Variants in MAN2A2 observed in about 807,000 individuals in gnomAD.
The protein encoded by MAN2A2 is alpha-mannosidase 2x.
Under a neutral mutation model 126.8 loss-of-function variants are expected in MAN2A2, and 79 were observed. That is an observed-to-expected ratio of 0.62 (90% CI 0.52 to 0.75). The LOEUF (loss-of-function observed/expected upper bound fraction) is 0.75. MAN2A2 is among the 30% of genes least tolerant of loss of function. The pLI is 0.00. For synonymous variants in MAN2A2, 671 were observed against 618.7 expected, an observed-to-expected ratio of 1.08 and a Z score of -1.25; for missense variants, 1,392 against 1,522.4, an observed-to-expected ratio of 0.91 and a Z score of 1.43.
intron 14 of MAN2A2, 113 bp downstream of exon 14, chr15:90,911,663 T>C (rs552322813): frequency 1.9e-5 from 23 of 1,197,424 alleles, no homozygotes; most frequent in African/African-American, 6.1e-5. Flanking sequence ...CTCTCCAGGC[T>C]GAGGACAAGT....
intron 3 of MAN2A2, 22 bp downstream of exon 3, chr15:90,905,530 G>A: frequency 1.2e-6 from 2 of 1,614,140 alleles, no homozygotes; most frequent in Non-Finnish European, 1.7e-6. Flanking sequence ...AGCTGGCAGG[G>A]ACGTACAGTG....
rs144474978 is a variant in MAN2A2 at position 90,912,177 on chromosome 15, C to T, written c.2244C>T (p.His748=). 9.2e-5 allele frequency: 149 copies of T among 1,614,092 alleles called. No homozygotes were observed. Among genetic ancestry groups the T allele is most frequent in the Non-Finnish European group, 1.1e-4 (128 of 1,180,000 alleles). The change falls in exon 15 of 23, where the codon CAC becomes CAT. Residue 748 remains histidine (H), a synonymous_variant. Coordinates refer to ENST00000559717, the MANE Select transcript of MAN2A2 (RefSeq NM_006122.4). Reference sequence around the variant, plus strand: ...GCCGGCAGCTGTCCGTCAGCAGGCACGAAGCGTTTCCTCTCCGTGTCATTG... The same window carrying T: ...GCCGGCAGCTGTCCGTCAGCAGGCATGAAGCGTTTCCTCTCCGTGTCATTG... The part of the protein sequence containing the change: ...LHGRQLSVSR[H]EAFPLRVIDS...
Position 90,904,301 on chromosome 15 carries a change from G to T in MAN2A2, c.94G>T (p.Asp32Tyr). The T allele has an allele frequency of 6.2e-7, 1 of 1,614,094 alleles. No homozygotes were observed. Among genetic ancestry groups the T allele is most frequent in the South Asian group, 1.1e-5 (1 of 91,076 alleles). ...LYLMLDRVQH[D>Y]PTRHQNGGNF... ...CCTCATGCTGGACCGAGTGCAACACGATCCCACCCGACACCAGAATGGTGG... is the reference window on the plus strand; with the variant it reads ...CCTCATGCTGGACCGAGTGCAACACTATCCCACCCGACACCAGAATGGTGG... The change falls in exon 2 of 23, where the codon GAT (aspartate) becomes TAT (tyrosine). Residue 32 changes from aspartate to tyrosine, a missense_variant. Physicochemically the swap from Asp to Tyr is radical, Grantham distance 160 (BLOSUM62 -3). Coordinates refer to ENST00000559717, the MANE Select transcript of MAN2A2 (RefSeq NM_006122.4).
rs775466940 is a variant in MAN2A2 at position 90,919,670 on chromosome 15, G to A, written c.3336G>A (p.Val1112=). The change falls in exon 23 of 23, where the codon GTG becomes GTA. Residue 1112 remains valine (V), a synonymous_variant. Transcript: ENST00000559717. The part of the protein sequence containing the change: ...ALGSLFHGLD[V]VFLQPTSLTL... ...GCAGCCTTTTCCATGGCCTGGATGTGGTATTCCTTCAGCCAACCTCCTTGA... is the reference window on the plus strand; with the variant it reads ...GCAGCCTTTTCCATGGCCTGGATGTAGTATTCCTTCAGCCAACCTCCTTGA... 1 of 1,614,210 alleles carries A rather than the reference G, an allele frequency of 6.2e-7. No individual in the cohort carries two copies. Among genetic ancestry groups the A allele is most frequent in the Admixed American group, 1.7e-5 (1 of 60,024 alleles).
chr15:90,912,779 T>C lies in MAN2A2; in HGVS notation c.2470-98T>C, dbSNP rs866187145. On this transcript the variant is annotated intron_variant, in intron 16 of 22. Coordinates refer to ENST00000559717, the MANE Select transcript of MAN2A2 (RefSeq NM_006122.4). The stretch of plus-strand genomic sequence containing the variant: ...TTGTCTTTCCTGTTCAGCCCAGGGG[T>C]GTCTGGGAATAGGTGCTCTCTTGCC... The C allele has an allele frequency of 2.1e-5, 33 of 1,557,296 alleles. No homozygotes were observed. The Middle Eastern group carries it at 5.1e-4, about 24-fold the overall frequency.
At chr15:90,913,064 C>T in intron 17 of MAN2A2, 73 bp downstream of exon 17, 1 of 1,297,234 alleles carries the variant, frequency 7.7e-7, no homozygotes, top group Non-Finnish European at 1.1e-6. Context: ...CTTCCTTCTG[C>T]TGCTTCTCTG....
chr15:90,910,757 G>A lies in MAN2A2; in HGVS notation c.1760+74G>A, dbSNP rs113287481. 1,342 of 1,602,132 alleles carry A rather than the reference G, an allele frequency of 8.4e-4. 8 individuals carry two copies. In the African/African-American group the frequency reaches 0.016, roughly 19 times the overall value. ...AAGAAAGGACATTGGGTGGTCAGGG[G>A]GTAGGCCGGCCTAGGGCTTGTCCTG... On this transcript the variant is annotated intron_variant, in intron 11 of 22. Transcript: ENST00000559717.
In MAN2A2 at chr15:90,905,532, C is replaced by T. The variant is rs374924445; in HGVS notation, c.390+24C>T. On this transcript the variant is annotated intron_variant, in intron 3 of 22. Coordinates refer to ENST00000559717, the MANE Select transcript of MAN2A2 (RefSeq NM_006122.4). ...AGGTAAGAGTCAGAGCTGGCAGGGA[C>T]GTACAGTGGCCACGACTGGGGTACT... 102 of 1,614,076 alleles carry T rather than the reference C, an allele frequency of 6.3e-5. 1 individual carries two copies. The highest frequency in any genetic ancestry group is 2.1e-4 in the South Asian group (19 of 91,082).
chr15:90,908,765 A>G (rs1221316465), intron 8 of MAN2A2, among the ~76,000 whole-genome samples: 1 of 151,988 alleles, frequency 6.6e-6, no homozygotes, highest in African/African-American at 2.4e-5. Context: ...TAGTAGAGAC[A>G]GGGTTTCACC....
intron 20 of MAN2A2, 50 bp from the exon 21 acceptor site, chr15:90,918,144 C>A: frequency 6.5e-7 from 1 of 1,550,350 alleles, no homozygotes; most frequent in Non-Finnish European, 8.8e-7. Flanking sequence ...TCGTCCTCTC[C>A]CCTCAGCCTG....
intron 7 of MAN2A2, 75 bp downstream of exon 7, chr15:90,906,988 G>C: frequency 6.5e-7 from 1 of 1,542,702 alleles, no homozygotes; most frequent in South Asian, 1.1e-5. Context: ...TCAGAACTAA[G>C]ACCCCCACTG....
intron 22 of MAN2A2, among the ~76,000 whole-genome samples, chr15:90,919,126 A>G (rs1811461280): frequency 6.6e-6 from 1 of 152,224 alleles, no homozygotes; most frequent in South Asian, 2.1e-4. Context: ...GAACCAAGAC[A>G]TGGTCACTGT....
chr15:90,906,331 G>A (rs747155800), intron 5 of MAN2A2, 39 bp from the exon 6 acceptor site: 5 of 1,612,762 alleles, frequency 3.1e-6, no homozygotes, highest in Middle Eastern at 1.6e-4. Context: ...ACTGGGCAGA[G>A]TGTCCTGCTC....
intron 19 of MAN2A2, among the ~76,000 whole-genome samples, chr15:90,915,010 G>A (rs1338517421): frequency 3.9e-5 from 6 of 152,222 alleles, no homozygotes; most frequent in Non-Finnish European, 7.3e-5. Context: ...GCTGAGCCGA[G>A]AGCACCCAGT....
At chr15:90,909,838 C>G (rs916587232) in intron 9 of MAN2A2, among the ~76,000 whole-genome samples, 1 of 152,158 alleles carries the variant, frequency 6.6e-6, no homozygotes, top group East Asian at 1.9e-4. Context: ...CTCCTGACTT[C>G]GTGATCCACT....
intron 2 of MAN2A2, 98 bp downstream of exon 2, chr15:90,904,437 G>A (rs1436346151): frequency 7.2e-7 from 1 of 1,379,538 alleles, no homozygotes; most frequent in Admixed American, 2.1e-5. Context: ...CCCCCCGCTG[G>A]AGGGTAATGT....
At chr15:90,902,745 C>G (rs889367917), upstream of MAN2A2, 20 of 145,994 alleles carry the variant, frequency 1.4e-4, no homozygotes, top group African/African-American at 4.7e-4. Context: ...CTGCTGGGCC[C>G]GGCAGCTTCA....
rs984348978 is a variant in MAN2A2 at position 90,921,987 on chromosome 15, C to T, written c.*2200C>T. 1 of 151,986 alleles carries T rather than the reference C, an allele frequency of 6.6e-6. No homozygotes were observed. Among genetic ancestry groups the T allele is most frequent in the Non-Finnish European group, 1.5e-5 (1 of 68,006 alleles). 9.4% of individuals were successfully genotyped at this position (151,986 alleles called of 1,614,324 possible). A position where few individuals can be genotyped will look rare whatever the true frequency, so the allele number is the denominator to read the frequency against. On this transcript the variant is annotated 3_prime_UTR_variant, in exon 23 of 23. Transcript: ENST00000559717. ...AATTAGTTCCAGAGGGAAGATATAC[C>T]ACAAAATTACTCAAAAATTTTTATA...
Position 90,919,783 on chromosome 15 carries a change from G to T in MAN2A2, c.3449G>T (p.Gly1150Val), listed in dbSNP as rs1185285821. Residue 1150 changes from glycine to valine, a missense_variant, in exon 23 of 23, where the codon GGT becomes GTT. Transcript: ENST00000559717. ...ATTGCTACCTTTCGCCTCCGCTTGGGTTAGGGCTTCTTGTGGCCTGAAGAG... is the reference window on the plus strand; with the variant it reads ...ATTGCTACCTTTCGCCTCCGCTTGGTTTAGGGCTTCTTGTGGCCTGAAGAG... ...MEIATFRLRL[G>V] The T allele has an allele frequency of 3.7e-6, 6 of 1,613,960 alleles. No individual in the cohort carries two copies. The African/African-American group carries it at 5.3e-5, about 14-fold the overall frequency.
Sources: gnomAD v4.1 joint callset for allele counts (sites outside exome capture counted in the v4.1 genomes callset) on GRCh38, gnomAD v4.1.1 for gene constraint, MANE v1.5 for transcripts, NCBI Gene and HGNC (gene_info 2026-07-23, HGNC 2026-07-21) for gene names.